Variants in UNC13C observed in about 807,000 individuals in gnomAD.
UNC13C encodes protein unc-13 homolog C.
Under a neutral mutation model 245.4 loss-of-function variants are expected in UNC13C, and 174 were observed. The observed-to-expected ratio is 0.71, with a 90% CI of 0.63 to 0.80. The LOEUF is 0.80. Ranked by LOEUF, UNC13C falls within the 30% of genes least tolerant of loss-of-function variation. The pLI, the probability that UNC13C is intolerant of heterozygous loss-of-function variation, is 0.00. For missense variants in UNC13C, 2,829 were observed against 2,602.9 expected (o/e 1.09, Z -1.89); for synonymous variants, 992 against 895.1 (o/e 1.11, Z -1.93).
intron 14 of UNC13C, among the ~76,000 whole-genome samples, chr15:54,324,711 T>C (rs1278083921): frequency 6.6e-6 from 1 of 151,962 alleles, no homozygotes; most frequent in Non-Finnish European, 1.5e-5. Flanking sequence ...GGGTAGTATA[T>C]CATATAATTA....
At chr15:54,129,500 AT>A (rs1335085132) in intron 2 of UNC13C, among the ~76,000 whole-genome samples, 1 of 152,140 alleles carries the variant, frequency 6.6e-6, no homozygotes, top group African/African-American at 2.4e-5. Flanking sequence ...ATAGTTTAAA[AT>A]ATTAGATATT....
chr15:54,310,234 G>A (rs1179482824), intron 13 of UNC13C, among the ~76,000 whole-genome samples: 4 of 151,750 alleles, frequency 2.6e-5, no homozygotes, highest in Admixed American at 2.0e-4. Flanking sequence ...AACTGTAGCT[G>A]TTAAAAGTAA....
chr15:54,506,316 G>A (rs1030870132), intron 22 of UNC13C, among the ~76,000 whole-genome samples: 17 of 152,120 alleles, frequency 1.1e-4, no homozygotes, highest in Middle Eastern at 3.2e-3. Context: ...GTATTCATAC[G>A]TACAAACGAA....
the UNC13C span, among the ~76,000 whole-genome samples, chr15:53,902,572 T>C: frequency 1.3e-5 from 2 of 152,222 alleles, no homozygotes; most frequent in Non-Finnish European, 1.5e-5. Context: ...TATAAAATAT[T>C]GAGACTAGCA....
At chr15:54,458,678 G>C (rs894201761) in intron 19 of UNC13C, among the ~76,000 whole-genome samples, 4 of 38,634 alleles carry the variant, frequency 1.0e-4, no homozygotes, top group African/African-American at 3.6e-4. Context: ...TTCCTTTAAG[G>C]TCTTTTTTTT....
intron 19 of UNC13C, among the ~76,000 whole-genome samples, chr15:54,472,059 C>T (rs1892492165): frequency 6.6e-6 from 1 of 151,698 alleles, no homozygotes; most frequent in Admixed American, 6.6e-5. Flanking sequence ...TGCTTACTTT[C>T]ACTGGTTTCA....
chr15:53,926,370 G>T, the UNC13C span, among the ~76,000 whole-genome samples: 2 of 152,140 alleles, frequency 1.3e-5, no homozygotes, highest in Non-Finnish European at 2.9e-5. Flanking sequence ...TCTCTCACAT[G>T]TGAGAATAAT....
At chr15:54,309,878 A>G (rs377060716) in intron 13 of UNC13C, among the ~76,000 whole-genome samples, 8 of 151,790 alleles carry the variant, frequency 5.3e-5, no homozygotes, top group East Asian at 3.9e-4. Context: ...TGTCAGTACC[A>G]TGTTTCATTA....
the UNC13C span, among the ~76,000 whole-genome samples, chr15:53,904,809 T>C: frequency 6.6e-6 from 1 of 152,202 alleles, no homozygotes; most frequent in African/African-American, 2.4e-5. Flanking sequence ...TTAGTTATGA[T>C]ACCTTGGGCA....
At chr15:54,098,773 G>A (rs1361149985) in intron 2 of UNC13C, among the ~76,000 whole-genome samples, 3 of 152,140 alleles carry the variant, frequency 2.0e-5, no homozygotes, top group African/African-American at 7.2e-5. Flanking sequence ...GACCAAGAAA[G>A]TCAGTGTTTT....
At chr15:54,122,620 T>G (rs1377483891) in intron 2 of UNC13C, among the ~76,000 whole-genome samples, 2 of 152,062 alleles carry the variant, frequency 1.3e-5, no homozygotes, top group African/African-American at 2.4e-5. Flanking sequence ...TGTTCTGTCA[T>G]GCCCCCTTGT....
chr15:54,169,463 A>C (rs950425554), intron 4 of UNC13C, among the ~76,000 whole-genome samples: 4 of 152,212 alleles, frequency 2.6e-5, no homozygotes, highest in Non-Finnish European at 5.9e-5. Flanking sequence ...CAATTCCTAC[A>C]GTAATTAATT....
intron 19 of UNC13C, among the ~76,000 whole-genome samples, chr15:54,471,235 A>G (rs1198149693): frequency 6.6e-6 from 1 of 151,370 alleles, no homozygotes; most frequent in Non-Finnish European, 1.5e-5. Flanking sequence ...AGTTCAAGCA[A>G]ATGCTTTTTT....
chr15:54,513,658 T>TA (rs939645529), intron 24 of UNC13C, among the ~76,000 whole-genome samples: 1 of 152,180 alleles, frequency 6.6e-6, no homozygotes, highest in Non-Finnish European at 1.5e-5. Context: ...ATACTGAGCT[T>TA]GGTACCTTCT....
the UNC13C span, among the ~76,000 whole-genome samples, chr15:53,950,253 A>G: frequency 2.6e-4 from 39 of 152,322 alleles, 1 homozygote; most frequent in East Asian, 5.4e-3. Context: ...TTTTCACAGT[A>G]GCCATGTGAT....
the UNC13C span, among the ~76,000 whole-genome samples, chr15:53,916,792 A>AC: frequency 6.6e-6 from 1 of 152,184 alleles, no homozygotes; most frequent in Admixed American, 6.5e-5. Flanking sequence ...TGCTTAAGAA[A>AC]CATCAGGAAG....
chr15:54,006,677 T>C (rs1327216695), intron 1 of UNC13C, among the ~76,000 whole-genome samples: 1 of 152,196 alleles, frequency 6.6e-6, no homozygotes, highest in Non-Finnish European at 1.5e-5. Context: ...TTCTAGAGGA[T>C]GCTTTTTAAA....
upstream of UNC13C, among the ~76,000 whole-genome samples, chr15:53,977,877 T>C (rs1448843338): frequency 3.3e-5 from 5 of 152,210 alleles, no homozygotes; most frequent in Non-Finnish European, 7.3e-5. Context: ...AAGTTACCCA[T>C]CATTTCCCAC....
chr15:53,927,892 G>A, the UNC13C span, among the ~76,000 whole-genome samples: 1 of 152,200 alleles, frequency 6.6e-6, no homozygotes, highest in Non-Finnish European at 1.5e-5. Context: ...AGAAGAATGA[G>A]AAGAAGCAAA....
Sources: gnomAD v4.1 joint callset for allele counts (sites outside exome capture counted in the v4.1 genomes callset) on GRCh38, gnomAD v4.1.1 for gene constraint, MANE v1.5 for transcripts, NCBI Gene and HGNC (gene_info 2026-07-23, HGNC 2026-07-21) for gene names.